PITPNC1: variants seen among roughly 807,000 people sequenced by gnomAD.
PITPNC1 encodes cytoplasmic phosphatidylinositol transfer protein 1.
Under a neutral mutation model 44.7 loss-of-function variants are expected in PITPNC1, and 18 were observed. That is an observed-to-expected ratio of 0.40 (90% CI 0.28 to 0.60). The LOEUF (loss-of-function observed/expected upper bound fraction) is 0.60. Ranked by LOEUF, PITPNC1 falls within the 20% of genes least tolerant of loss-of-function variation. PITPNC1 has a pLI of 0.39. For missense variants in PITPNC1, 290 were observed against 418.4 expected, an observed-to-expected ratio of 0.69 and a Z score of 2.68; for synonymous variants, 141 against 149.6, an observed-to-expected ratio of 0.94 and a Z score of 0.42.
intron 1 of PITPNC1, among the ~76,000 whole-genome samples, chr17:67,491,605 C>A (rs1354750595): frequency 1.3e-5 from 2 of 152,130 alleles, no homozygotes; most frequent in Non-Finnish European, 2.9e-5. Context: ...AACATACGCC[C>A]AGGTGGGAGG....
At chr17:67,604,104 C>T (rs1246177651) in intron 5 of PITPNC1, among the ~76,000 whole-genome samples, 1 of 152,160 alleles carries the variant, frequency 6.6e-6, no homozygotes, top group Non-Finnish European at 1.5e-5. Flanking sequence ...GGCAAATATT[C>T]TGAAAGGAAT....
chr17:67,606,759 GT>G (rs368398490), intron 5 of PITPNC1, among the ~76,000 whole-genome samples: 177 of 147,544 alleles, frequency 1.2e-3, no homozygotes, highest in African/African-American at 3.3e-3. Context: ...CCAGAAGAGG[GT>G]TTTTTTTTTT....
At chr17:67,407,290 C>T (rs1462047199) in intron 1 of PITPNC1, among the ~76,000 whole-genome samples, 1 of 152,144 alleles carries the variant, frequency 6.6e-6, no homozygotes, top group Non-Finnish European at 1.5e-5. Flanking sequence ...CATCTACTGG[C>T]AATTTGTATA....
intron 6 of PITPNC1, among the ~76,000 whole-genome samples, chr17:67,640,685 GAAA>G (rs71139165): frequency 6.0e-5 from 6 of 100,240 alleles, no homozygotes; most frequent in South Asian, 4.0e-4. Context: ...TGTTGAAAAA[GAAA>G]AAAAAAAAAA....
intron 1 of PITPNC1, among the ~76,000 whole-genome samples, chr17:67,461,557 T>A (rs1292420315): frequency 6.6e-6 from 1 of 152,204 alleles, no homozygotes; most frequent in African/African-American, 2.4e-5. Flanking sequence ...GCAACCACAG[T>A]GCAGTCTGGT....
intron 1 of PITPNC1, among the ~76,000 whole-genome samples, chr17:67,504,348 G>C (rs1476524387): frequency 1.3e-5 from 2 of 152,150 alleles, no homozygotes; most frequent in African/African-American, 2.4e-5. Context: ...CAAAAAAGCT[G>C]CTCTGATCTT....
chr17:67,423,987 T>C (rs2038705873), intron 1 of PITPNC1, among the ~76,000 whole-genome samples: 1 of 151,344 alleles, frequency 6.6e-6, no homozygotes, highest in African/African-American at 2.4e-5. Context: ...CAAAACCTAT[T>C]GGTGTTCCTG....
At chr17:67,542,386 G>A (rs2706691) in intron 2 of PITPNC1, among the ~76,000 whole-genome samples, 1 of 152,226 alleles carries the variant, frequency 6.6e-6, no homozygotes, top group Non-Finnish European at 1.5e-5. Flanking sequence ...TCATCACAAC[G>A]TAGAGCCACC....
chr17:67,445,935 G>C (rs2039086339), intron 1 of PITPNC1, among the ~76,000 whole-genome samples: 1 of 150,836 alleles, frequency 6.6e-6, no homozygotes, highest in Non-Finnish European at 1.5e-5. Context: ...ATCTTTGGCT[G>C]TTTTTTTTGT....
At chr17:67,383,455 T>G (rs1298826544) in intron 1 of PITPNC1, among the ~76,000 whole-genome samples, 1 of 152,134 alleles carries the variant, frequency 6.6e-6, no homozygotes, top group Non-Finnish European at 1.5e-5. Context: ...TACTCTCTAG[T>G]TGAAGGTGGC....
At chr17:67,426,135 T>C (rs1003752043) in intron 1 of PITPNC1, among the ~76,000 whole-genome samples, 1 of 152,112 alleles carries the variant, frequency 6.6e-6, no homozygotes, top group Non-Finnish European at 1.5e-5. Context: ...TGTGGAGAAA[T>C]AGGAATGCTT....
intron 1 of PITPNC1, among the ~76,000 whole-genome samples, chr17:67,526,880 G>A (rs2040398009): frequency 6.6e-6 from 1 of 152,180 alleles, no homozygotes; most frequent in Non-Finnish European, 1.5e-5. Flanking sequence ...GTACAGCGTG[G>A]TGTGTGGGGA....
intron 4 of PITPNC1, among the ~76,000 whole-genome samples, chr17:67,575,878 CCTTTT>C (rs2041141713): frequency 9.1e-5 from 1 of 10,988 alleles, no homozygotes; most frequent in African/African-American, 4.3e-4. Context: ...TTCTTTCTTT[CCTTTT>C]TTTTTTTTTT....
chr17:67,658,002 C>G (rs1002849291), intron 6 of PITPNC1, among the ~76,000 whole-genome samples: 3 of 152,190 alleles, frequency 2.0e-5, no homozygotes, highest in African/African-American at 7.2e-5. Flanking sequence ...ACTGAAGAAA[C>G]AAGCCAAGGG....
chr17:67,600,126 G>A (rs1321445016), intron 5 of PITPNC1, among the ~76,000 whole-genome samples: 2 of 152,144 alleles, frequency 1.3e-5, no homozygotes, highest in Admixed American at 6.5e-5. Flanking sequence ...TCTTTCAGGT[G>A]AAAGGAACCT....
At chr17:67,512,500 C>CAA (rs1006177232) in intron 1 of PITPNC1, among the ~76,000 whole-genome samples, 781 of 56,160 alleles carry the variant, frequency 0.014, 9 homozygotes, top group Middle Eastern at 0.017. Flanking sequence ...GACTGTGTCT[C>CAA]AAAAAAAAAA....
At chr17:67,451,085 G>A (rs761366356) in intron 1 of PITPNC1, among the ~76,000 whole-genome samples, 4 of 152,172 alleles carry the variant, frequency 2.6e-5, no homozygotes, top group Admixed American at 6.5e-5. Flanking sequence ...AGGCTGGAGT[G>A]CAGTGGCACG....
chr17:67,595,261 T>A (rs557562748), intron 5 of PITPNC1, among the ~76,000 whole-genome samples: 2 of 152,290 alleles, frequency 1.3e-5, no homozygotes, highest in African/African-American at 4.8e-5. Context: ...GTTTGTTAAC[T>A]TTTTCCAGGG....
intron 1 of PITPNC1, among the ~76,000 whole-genome samples, chr17:67,399,289 A>G (rs886532279): frequency 1.7e-4 from 26 of 152,106 alleles, no homozygotes; most frequent in African/African-American, 6.3e-4. Flanking sequence ...CTGGGATTAC[A>G]GGCGTGAGCC....
Sources: allele counts gnomAD v4.1 joint callset (sites outside exome capture counted in the v4.1 genomes callset), GRCh38; gene constraint gnomAD v4.1.1; transcripts MANE v1.5; gene names NCBI Gene and HGNC (gene_info 2026-07-23, HGNC 2026-07-21).